Variants in TOP1MT observed in about 807,000 individuals in gnomAD.
TOP1MT encodes DNA topoisomerase I, mitochondrial.
TOP1MT carries 80 observed loss-of-function variants against 73.9 expected under a neutral mutation model. The observed-to-expected ratio is 1.08, with a 90% confidence interval of 0.90 to 1.30. TOP1MT has a LOEUF of 1.30. Ranked by LOEUF, TOP1MT falls within the 50% of genes most tolerant of loss-of-function variation. The probability of loss-of-function intolerance (pLI) is 0.00; values close to 1 mark genes in which losing one functional copy is unlikely to be tolerated. For synonymous variants in TOP1MT, 338 were observed against 326.4 expected (o/e 1.04, Z -0.38); for missense variants, 815 against 808.0 (o/e 1.01, Z -0.10).
rs866260289 is a variant in TOP1MT at position 143,324,882 on chromosome 8, A to T, written c.672-253T>A. Among the ~76,000 whole-genome samples the T allele has an allele frequency of 4.6e-5, 7 of 152,298 alleles. No homozygotes were observed. In the South Asian group the frequency reaches 1.2e-3, roughly 27 times the overall value. On this transcript the variant is annotated intron_variant, in intron 5 of 13. Transcript: ENST00000329245. Reference sequence around the variant, plus strand: ...CCACCCAAGCAAGGCACCGCTCTGCACAGACCTCTCAGCACCAACTGGGAC... The same window carrying T: ...CCACCCAAGCAAGGCACCGCTCTGCTCAGACCTCTCAGCACCAACTGGGAC...
rs139734596 is a variant in TOP1MT at position 143,324,249 on chromosome 8, T to A, written c.817-107A>T. The A allele has an allele frequency of 5.1e-4, 761 of 1,495,188 alleles. 3 individuals are homozygous for A. The Middle Eastern group carries it at 6.1e-3, about 12-fold the overall frequency. 92.6% of individuals were successfully genotyped at this position (1,495,188 alleles called of 1,614,324 possible). A position where few individuals can be genotyped will look rare whatever the true frequency, so the allele number is the denominator to read the frequency against. On this transcript the variant is annotated intron_variant, in intron 6 of 13. Coordinates refer to ENST00000329245, the MANE Select transcript of TOP1MT (RefSeq NM_052963.3). ...AACCTCGTGCTTCTCCACTCAGTGG[T>A]GCCGTGGTCAGGGGCTGGGGCAGCA...
At chr8:143,323,002 CAG>C (rs201800932) in intron 7 of TOP1MT, among the ~76,000 whole-genome samples, 26 of 125,736 alleles carry the variant, frequency 2.1e-4, no homozygotes, top group African/African-American at 6.6e-4. Flanking sequence ...ACGCCACACA[CAG>C]GCACGCCACA....
chr8:143,330,080 G>T (rs746837795), intron 2 of TOP1MT, among the ~76,000 whole-genome samples: 6 of 152,198 alleles, frequency 3.9e-5, no homozygotes, highest in African/African-American at 7.2e-5. Flanking sequence ...TAATCATTTG[G>T]TAAGAAGGAG....
chr8:143,338,090 A>C (rs2977362), upstream of TOP1MT, among the ~76,000 whole-genome samples: 18,157 of 151,530 alleles, frequency 0.12, 3,635 homozygotes, highest in African/African-American at 0.41. Flanking sequence ...GCTGATTAAA[A>C]CCTCTTATTC....
chr8:143,321,477 CCACACGCACGCCACACACGCACGCCA>C (rs1381496971), intron 7 of TOP1MT, 91 bp from the exon 8 acceptor site: 3 of 1,001,156 alleles, frequency 3.0e-6, no homozygotes, highest in Admixed American at 3.2e-5. Flanking sequence ...CACACGCACG[CCACACGCACGCCACACACGCACGCCA>C]CACACACGCA....
intron 4 of TOP1MT, among the ~76,000 whole-genome samples, 165 bp downstream of exon 4, chr8:143,326,057 G>C (rs1463118123): frequency 6.6e-6 from 1 of 152,206 alleles, no homozygotes; most frequent in Non-Finnish European, 1.5e-5. Context: ...TGGGGAAGCG[G>C]AACGACACTT....
At chr8:143,327,283 C>G (rs183281556) in intron 3 of TOP1MT, 1 of 152,404 alleles carries the variant, frequency 6.6e-6, no homozygotes, top group Non-Finnish European at 1.5e-5. Context: ...AGCCAGGACG[C>G]GGGAACAGGA....
rs1204736169 is a variant in TOP1MT at position 143,318,062 on chromosome 8, T to C, written c.1171A>G (p.Met391Val). ...TCGTCCCGGGGGTCCTTGTTCTCCA[T>C]AAAGAGCTGTAAGTTCTTGTACACC... ...KPVYKNLQLFMENKDPRDDLF... is the reference protein window; with the variant it reads ...KPVYKNLQLFVENKDPRDDLF... Residue 391 changes from methionine to valine, a missense_variant, in exon 9 of 14, where the codon ATG becomes GTG. Physicochemically the swap from Met to Val is conservative, Grantham distance 21. Transcript: ENST00000329245. 13 of 1,614,032 alleles carry C rather than the reference T, an allele frequency of 8.1e-6. No homozygotes were observed. Among genetic ancestry groups the C allele is most frequent in the Non-Finnish European group, 1.1e-5 (13 of 1,179,980 alleles).
intron 12 of TOP1MT, among the ~76,000 whole-genome samples, chr8:143,311,557 C>T (rs1816014921): frequency 6.6e-6 from 1 of 152,108 alleles, no homozygotes; most frequent in African/African-American, 2.4e-5. Flanking sequence ...ACCATCCTGG[C>T]TAACATGGTG....
intron 10 of TOP1MT, among the ~76,000 whole-genome samples, chr8:143,316,365 A>C (rs1256637863): frequency 2.7e-5 from 4 of 149,710 alleles, no homozygotes; most frequent in Admixed American, 6.8e-5. Context: ...AGGTAGCACC[A>C]CCCGGGCCTT....
chr8:143,329,541 A>G, intron 2 of TOP1MT, 70 bp from the exon 3 acceptor site: 2 of 1,556,488 alleles, frequency 1.3e-6, no homozygotes, highest in African/African-American at 1.4e-5. Flanking sequence ...ACATGACCTC[A>G]TTGCTTTAAA....
upstream of TOP1MT, among the ~76,000 whole-genome samples, chr8:143,346,123 G>C (rs141193115): frequency 1.4e-4 from 21 of 152,340 alleles, no homozygotes; most frequent in Non-Finnish European, 2.8e-4. Context: ...AAGTGCTCCT[G>C]TGTGACTCCA....
chr8:143,319,520 G>A (rs957551153), intron 8 of TOP1MT, among the ~76,000 whole-genome samples: 11 of 150,882 alleles, frequency 7.3e-5, no homozygotes, highest in Non-Finnish European at 1.6e-4. Flanking sequence ...CAACGTCACT[G>A]CGACGTGGCG....
intron 10 of TOP1MT, 142 bp from the exon 11 acceptor site, chr8:143,316,268 A>G: frequency 7.5e-7 from 1 of 1,337,844 alleles, no homozygotes; most frequent in Non-Finnish European, 1.0e-6. Context: ...GTGAGGGCCA[A>G]GGGTCAGTGA....
chr8:143,342,676 CTATTAT>C (rs750383074), intron 2 of TOP1MT, among the ~76,000 whole-genome samples: 6,095 of 22,568 alleles, frequency 0.27, 1,154 homozygotes, highest in South Asian at 0.37. Flanking sequence ...CAGTCTCGCT[CTATTAT>C]TATTATTATT....
upstream of TOP1MT, among the ~76,000 whole-genome samples, chr8:143,339,064 A>G (rs1182672059): frequency 6.6e-6 from 1 of 152,170 alleles, no homozygotes; most frequent in African/African-American, 2.4e-5. Context: ...TGATACCTAT[A>G]AAGACGTTTC....
chr8:143,358,999 TGTTTTCTG>T (rs1427193152), upstream of TOP1MT, among the ~76,000 whole-genome samples: 1 of 144,554 alleles, frequency 6.9e-6, no homozygotes, highest in African/African-American at 2.9e-5. Flanking sequence ...GCGTTTTTTT[TGTTTTCTG>T]TTTTTTGGTT....
intron 7 of TOP1MT, among the ~76,000 whole-genome samples, chr8:143,321,870 CACACCACACGCACGCCA>C: frequency 1.1e-5 from 1 of 91,848 alleles, no homozygotes; most frequent in Non-Finnish European, 2.3e-5. Context: ...ATGCCACACG[CACACCACACGCACGCCA>C]CACACAGGCA....
At chr8:143,317,124 G>A (rs182671245) in intron 10 of TOP1MT, among the ~76,000 whole-genome samples, 6 of 152,350 alleles carry the variant, frequency 3.9e-5, no homozygotes, top group East Asian at 1.9e-4. Flanking sequence ...TGGGGAGTGC[G>A]GTGGGCGCCG....
Sources: gnomAD v4.1 joint callset for allele counts (sites outside exome capture counted in the v4.1 genomes callset) on GRCh38, gnomAD v4.1.1 for gene constraint, MANE v1.5 for transcripts, NCBI Gene and HGNC (gene_info 2026-07-23, HGNC 2026-07-21) for gene names.